The following CEP128 variants were observed in gnomAD, a reference collection of about 807,000 sequenced individuals.
CEP128 encodes centrosomal protein 128, also known as centrosomal protein 128kDa.
Under a neutral mutation model 156.7 loss-of-function variants are expected in CEP128, and 132 were observed. The ratio of observed to expected loss-of-function variants is 0.84; its 90% CI spans 0.73 to 0.97. CEP128 has a LOEUF of 0.97. Ranked by LOEUF, CEP128 falls within the 50% of genes least tolerant of loss-of-function variation. The pLI is 0.00. For missense variants in CEP128, 1,252 were observed against 1,281.9 expected (o/e 0.98, Z 0.36); for synonymous variants, 469 against 448.9 (o/e 1.04, Z -0.57).
upstream of CEP128, chr14:80,945,903 T>A (rs1886329321): frequency 6.6e-6 from 1 of 152,210 alleles, no homozygotes; most frequent in African/African-American, 2.4e-5. Context: ...GTTATTCCCA[T>A]TTGTATTTCC....
intron 2 of CEP128, among the ~76,000 whole-genome samples, chr14:80,922,927 C>G (rs946189689): frequency 2.0e-5 from 3 of 152,186 alleles, no homozygotes; most frequent in Non-Finnish European, 2.9e-5. Flanking sequence ...GCAGTGAACA[C>G]TCTTCTGCAG....
intron 24 of CEP128, among the ~76,000 whole-genome samples, chr14:80,502,381 T>G (rs1292197314): frequency 6.6e-6 from 1 of 152,138 alleles, no homozygotes. Flanking sequence ...CAGTGGGTGT[T>G]TGTTGGGTGG....
At chr14:80,640,924 TAA>T (rs1476822927) in intron 19 of CEP128, among the ~76,000 whole-genome samples, 1 of 152,214 alleles carries the variant, frequency 6.6e-6, no homozygotes. Flanking sequence ...TGAAGCCAGA[TAA>T]ATATCCAGCT....
At chr14:80,494,052 T>G (rs1287142210), downstream of CEP128, among the ~76,000 whole-genome samples, 1 of 152,238 alleles carries the variant, frequency 6.6e-6, no homozygotes, top group African/African-American at 2.4e-5. Context: ...TGAAACTAAA[T>G]GGAATCTTTC....
At chr14:80,741,717 G>A (rs1898840929) in intron 19 of CEP128, among the ~76,000 whole-genome samples, 1 of 152,090 alleles carries the variant, frequency 6.6e-6, no homozygotes, top group South Asian at 2.1e-4. Context: ...GGTTAACTTT[G>A]TTCTACTTAA....
intron 19 of CEP128, among the ~76,000 whole-genome samples, chr14:80,591,042 A>G (rs1206071208): frequency 6.6e-6 from 1 of 152,194 alleles, no homozygotes; most frequent in African/African-American, 2.4e-5. Context: ...AGTACCAGCC[A>G]CTGCAAAAAC....
At chr14:80,895,650 G>A (rs1889310591) in intron 8 of CEP128, 68 bp downstream of exon 8, 15 of 1,123,602 alleles carry the variant, frequency 1.3e-5, no homozygotes, top group Non-Finnish European at 1.9e-5. Context: ...AAACTTCACT[G>A]TGATTATGAC....
chr14:80,610,098 A>G (rs1892937156), intron 19 of CEP128, among the ~76,000 whole-genome samples: 1 of 152,150 alleles, frequency 6.6e-6, no homozygotes, highest in African/African-American at 2.4e-5. Flanking sequence ...TAAAAATAAT[A>G]TATAAAACTT....
At chr14:80,814,948 C>T (rs1382242806) in intron 13 of CEP128, among the ~76,000 whole-genome samples, 1 of 152,122 alleles carries the variant, frequency 6.6e-6, no homozygotes, top group Non-Finnish European at 1.5e-5. Context: ...ATCCCTGCTA[C>T]TCAGGAGGCT....
chr14:80,863,816 A>G lies in CEP128; in HGVS notation c.646-943T>C, dbSNP rs1056110320. Among the ~76,000 whole-genome samples, 8 of 152,340 alleles carry G rather than the reference A, an allele frequency of 5.3e-5. No individual in the cohort carries two copies. The South Asian group carries it at 1.7e-3, about 32-fold the overall frequency. ...TAGGGAGGTAGCTGGATAACTCAGT[A>G]AATGTATGGAAAAAAAAAGTTATTG... On this transcript the variant is annotated intron_variant, in intron 8 of 24. Transcript: ENST00000555265.
intron 23 of CEP128, among the ~76,000 whole-genome samples, chr14:80,512,028 G>C (rs1278861715): frequency 6.6e-6 from 1 of 151,966 alleles, no homozygotes; most frequent in Non-Finnish European, 1.5e-5. Flanking sequence ...CATGTGCTGA[G>C]GAGAAGAATG....
At chr14:80,843,221 T>C (rs1475629476) in intron 9 of CEP128, among the ~76,000 whole-genome samples, 1 of 151,990 alleles carries the variant, frequency 6.6e-6, no homozygotes, top group Non-Finnish European at 1.5e-5. Context: ...TAAAGGCCCT[T>C]TGTCTGCTTT....
At chr14:80,642,145 T>C (rs552980696) in intron 19 of CEP128, among the ~76,000 whole-genome samples, 1 of 150,772 alleles carries the variant, frequency 6.6e-6, no homozygotes, top group African/African-American at 2.4e-5. Flanking sequence ...TACAAACTGC[T>C]GTGATTCCAT....
At chr14:80,560,774 A>G (rs1890636372) in intron 20 of CEP128, among the ~76,000 whole-genome samples, 1 of 152,070 alleles carries the variant, frequency 6.6e-6, no homozygotes, top group South Asian at 2.1e-4. Flanking sequence ...GCCGTTGAAC[A>G]CTGTACGCCA....
chr14:80,809,642 G>A (rs1047707472), intron 13 of CEP128, among the ~76,000 whole-genome samples: 26 of 152,098 alleles, frequency 1.7e-4, no homozygotes, highest in South Asian at 1.5e-3. Context: ...ACTTATAAAT[G>A]AGCCCACATC....
chr14:80,497,744 C>A lies in CEP128; in HGVS notation c.3182-162G>T, dbSNP rs542360899. Among the ~76,000 whole-genome samples, 55 of 152,208 alleles carry A rather than the reference C, an allele frequency of 3.6e-4. 1 individual carries two copies. The South Asian group carries it at 8.7e-3, about 24-fold the overall frequency. On this transcript the variant is annotated intron_variant, in intron 24 of 24. Coordinates refer to ENST00000555265, the MANE Select transcript of CEP128 (RefSeq NM_152446.5). ...CAGACCTCCAAGCTAAGAATAAATA[C>A]ACTCAATTTATGACATTTAAAAAAA... is the stretch of plus-strand genomic sequence containing the variant.
intron 8 of CEP128, among the ~76,000 whole-genome samples, chr14:80,863,927 CA>C (rs1439010131): frequency 1.3e-5 from 2 of 152,092 alleles, no homozygotes; most frequent in Non-Finnish European, 2.9e-5. Flanking sequence ...TTTACTTAGG[CA>C]GAGCAGAAGT....
downstream of CEP128, among the ~76,000 whole-genome samples, chr14:80,492,587 A>G (rs2122432): frequency 0.015 from 2,276 of 152,310 alleles, 28 homozygotes; most frequent in Non-Finnish European, 0.024. Context: ...GAAATATAGT[A>G]TCTCAAGGAC....
chr14:80,642,558 T>C (rs1566828962), intron 19 of CEP128, among the ~76,000 whole-genome samples: 1 of 151,984 alleles, frequency 6.6e-6, no homozygotes, highest in Non-Finnish European at 1.5e-5. Context: ...GGGTGCATGC[T>C]TGTGGTCCCA....
Sources: gnomAD v4.1 joint callset for allele counts (sites outside exome capture counted in the v4.1 genomes callset) on GRCh38, gnomAD v4.1.1 for gene constraint, MANE v1.5 for transcripts, NCBI Gene and HGNC (gene_info 2026-07-23, HGNC 2026-07-21) for gene names.